The following DPH6 variants were observed in gnomAD, a reference collection of about 807,000 sequenced individuals.
The protein encoded by DPH6 is diphthamine biosynthesis 6.
Under a neutral mutation model 38.2 loss-of-function variants are expected in DPH6, and 33 were observed. The ratio of observed to expected loss-of-function variants is 0.86; its 90% confidence interval spans 0.65 to 1.15. DPH6 has a LOEUF of 1.15. Among genes scored for constraint, DPH6 ranks in the 50% most tolerant of loss-of-function variants. The probability of loss-of-function intolerance (pLI) is 0.00; values close to 1 mark genes in which losing one functional copy is unlikely to be tolerated. For missense variants in DPH6, 325 were observed against 320.0 expected, an observed-to-expected ratio of 1.02 and a Z score of -0.12; for synonymous variants, 108 against 103.0, an observed-to-expected ratio of 1.05 and a Z score of -0.30.
At chr15:35,380,320 T>C (rs1325596798) in intron 7 of DPH6, among the ~76,000 whole-genome samples, 1 of 152,232 alleles carries the variant, frequency 6.6e-6, no homozygotes. Flanking sequence ...CCACTGTCTC[T>C]GTCAGGCTTA....
chr15:35,339,317 T>C (rs561502333), intron 3 of DPH6, among the ~76,000 whole-genome samples: 28 of 150,156 alleles, frequency 1.9e-4, no homozygotes, highest in African/African-American at 6.6e-4. Flanking sequence ...TTAATTTCAT[T>C]ATTATTATTA....
chr15:35,356,472 CCTTT>C (rs1207820778), intron 3 of DPH6, among the ~76,000 whole-genome samples: 1 of 152,084 alleles, frequency 6.6e-6, no homozygotes, highest in Non-Finnish European at 1.5e-5. Flanking sequence ...GTGTGGATGT[CCTTT>C]CTTTTTGTTA....
chr15:35,367,391 A>G (rs894882510), downstream of DPH6, among the ~76,000 whole-genome samples: 1 of 151,866 alleles, frequency 6.6e-6, no homozygotes, highest in African/African-American at 2.4e-5. Context: ...AGGAAGAAAG[A>G]GCCTTCTGAG....
chr15:35,377,033 A>C (rs1420098939), intron 7 of DPH6, among the ~76,000 whole-genome samples: 2 of 152,194 alleles, frequency 1.3e-5, no homozygotes, highest in African/African-American at 4.8e-5. Context: ...AGTATATGAT[A>C]TCTCTACCAT....
intron 3 of DPH6, chr15:35,489,767 TAGG>T: frequency 1.0e-6 from 1 of 983,256 alleles, no homozygotes; most frequent in South Asian, 4.7e-5. Flanking sequence ...TATTTTGCCT[TAGG>T]AGGATAGAGA....
intron 3 of DPH6, among the ~76,000 whole-genome samples, chr15:35,259,007 C>T (rs536752187): frequency 2.1e-4 from 32 of 152,042 alleles, no homozygotes; most frequent in East Asian, 7.7e-4. Flanking sequence ...ATTAGCTGTG[C>T]GTGGTGGTGT....
chr15:35,335,466 G>C (rs1036279831), intron 3 of DPH6, among the ~76,000 whole-genome samples: 2 of 151,496 alleles, frequency 1.3e-5, no homozygotes, highest in African/African-American at 4.9e-5. Flanking sequence ...TAAAATCTTT[G>C]CCCATGCCTA....
At chr15:35,419,794 A>C (rs2053481808) in intron 5 of DPH6, among the ~76,000 whole-genome samples, 1 of 152,200 alleles carries the variant, frequency 6.6e-6, no homozygotes, top group Admixed American at 6.5e-5. Flanking sequence ...ACATAAATAC[A>C]TAAAGCAAAC....
chr15:35,274,529 G>C (rs1226366952), intron 3 of DPH6, among the ~76,000 whole-genome samples: 1 of 150,970 alleles, frequency 6.6e-6, no homozygotes, highest in Non-Finnish European at 1.5e-5. Context: ...AAACTACAAG[G>C]AACTTAAACA....
chr15:35,359,477 C>T (rs1459182708), intron 3 of DPH6, among the ~76,000 whole-genome samples: 1 of 152,340 alleles, frequency 6.6e-6, no homozygotes, highest in Non-Finnish European at 1.5e-5. Flanking sequence ...CCCTGCTTCT[C>T]TCCCATTGGA....
chr15:35,525,367 T>C (rs2054983776), intron 3 of DPH6, among the ~76,000 whole-genome samples: 2 of 152,082 alleles, frequency 1.3e-5, no homozygotes, highest in Non-Finnish European at 2.9e-5. Context: ...TATACTCCCT[T>C]CTCTTTTAGA....
chr15:35,517,348 C>T (rs903801245), intron 3 of DPH6, among the ~76,000 whole-genome samples: 6 of 151,990 alleles, frequency 3.9e-5, no homozygotes, highest in Non-Finnish European at 5.9e-5. Flanking sequence ...TCACTGTCTT[C>T]GGTAATGTAA....
Position 35,391,568 on chromosome 15 carries a change from C to T in DPH6, c.568-9652G>A, listed in dbSNP as rs374617066. Among the ~76,000 whole-genome samples, 21 of 152,318 alleles carry T rather than the reference C, an allele frequency of 1.4e-4. 4 individuals are homozygous for T. The highest frequency in any genetic ancestry group is 7.7e-4 in the East Asian group (4 of 5,178). On this transcript the variant is annotated intron_variant, in intron 6 of 8. Coordinates refer to ENST00000256538, the MANE Select transcript of DPH6 (RefSeq NM_080650.4). ...GGGCGCCCCTCCCCCAGCCTTGCTG[C>T]CACCTTGCAGTTTGATCTCAGACTG...
At chr15:35,303,304 A>G (rs978176766) in intron 3 of DPH6, among the ~76,000 whole-genome samples, 2 of 151,848 alleles carry the variant, frequency 1.3e-5, no homozygotes, top group Non-Finnish European at 2.9e-5. Context: ...TGAAAGTAAT[A>G]CAATTTATTA....
At chr15:35,234,631 A>G (rs533971234) in intron 3 of DPH6, among the ~76,000 whole-genome samples, 1 of 152,388 alleles carries the variant, frequency 6.6e-6, no homozygotes, top group African/African-American at 2.4e-5. Flanking sequence ...TCATAGACTT[A>G]AGCCAAATTT....
intron 3 of DPH6, among the ~76,000 whole-genome samples, chr15:35,537,728 C>T (rs2055191100): frequency 6.6e-6 from 1 of 152,106 alleles, no homozygotes. Flanking sequence ...TCTTGCTTGA[C>T]AACCATACGT....
At chr15:35,532,723 CT>C (rs758098527) in intron 3 of DPH6, among the ~76,000 whole-genome samples, 2 of 151,926 alleles carry the variant, frequency 1.3e-5, no homozygotes, top group Non-Finnish European at 2.9e-5. Context: ...AAGCTCACTG[CT>C]TTAGCCCCAA....
chr15:35,449,020 CT>C (rs35545124), intron 5 of DPH6, among the ~76,000 whole-genome samples: 115,725 of 141,418 alleles, frequency 0.82, 47,983 homozygotes, highest in South Asian at 0.91. Flanking sequence ...AAAAAAGTCC[CT>C]TTTTTTTGGC....
intron 3 of DPH6, among the ~76,000 whole-genome samples, chr15:35,467,960 G>A (rs1343136365): frequency 1.3e-5 from 2 of 152,094 alleles, no homozygotes; most frequent in South Asian, 2.1e-4. Context: ...ATAATCTTAC[G>A]GAAACACCGT....
Sources: gnomAD v4.1 joint callset for allele counts (sites outside exome capture counted in the v4.1 genomes callset) on GRCh38, gnomAD v4.1.1 for gene constraint, MANE v1.5 for transcripts, NCBI Gene and HGNC (gene_info 2026-07-23, HGNC 2026-07-21) for gene names.